The following TMEM132D variants were observed in gnomAD, a reference collection of about 807,000 sequenced individuals.
The protein encoded by TMEM132D is mature OL transmembrane protein.
Under a neutral mutation model 62.3 loss-of-function variants are expected in TMEM132D, and 21 were observed. The observed-to-expected ratio is 0.34, with a 90% confidence interval of 0.24 to 0.49. The LOEUF is 0.49. Ranked by LOEUF, TMEM132D falls within the 20% of genes least tolerant of loss-of-function variation. TMEM132D has a pLI of 0.99. For synonymous variants in TMEM132D, 621 were observed against 575.6 expected (o/e 1.08, Z -1.13); for missense variants, 1,346 against 1,402.8 (o/e 0.96, Z 0.65).
At chr12:129,238,027 C>G (rs528617310) in intron 4 of TMEM132D, among the ~76,000 whole-genome samples, 1 of 152,306 alleles carries the variant, frequency 6.6e-6, no homozygotes, top group South Asian at 2.1e-4. Context: ...CTCTCCATCT[C>G]AGACGAGTTT....
chr12:129,090,257 C>G (rs1638793283), intron 5 of TMEM132D, among the ~76,000 whole-genome samples: 2 of 152,162 alleles, frequency 1.3e-5, no homozygotes. Context: ...CATCTGTGGC[C>G]TGGCCACAGT....
chr12:129,151,939 G>A (rs1214582004), intron 5 of TMEM132D, among the ~76,000 whole-genome samples: 3 of 147,422 alleles, frequency 2.0e-5, no homozygotes, highest in East Asian at 2.0e-4. Flanking sequence ...GTGCAGTGGT[G>A]CAATCTTGGC....
At chr12:129,698,138 T>C (rs1022236877) in intron 2 of TMEM132D, 1 of 152,100 alleles carries the variant, frequency 6.6e-6, no homozygotes, top group Admixed American at 6.5e-5. Context: ...AAGAATACTA[T>C]GTAAGACTGT....
intron 1 of TMEM132D, among the ~76,000 whole-genome samples, chr12:129,762,621 T>C (rs376019098): frequency 2.0e-5 from 3 of 152,190 alleles, no homozygotes; most frequent in South Asian, 2.1e-4. Flanking sequence ...AGATGTGTCA[T>C]CAAAGCTGCA....
intron 2 of TMEM132D, among the ~76,000 whole-genome samples, chr12:129,668,792 T>C (rs1880436853): frequency 1.3e-5 from 2 of 152,174 alleles, no homozygotes; most frequent in African/African-American, 4.8e-5. Context: ...CAGGGCACAA[T>C]TGGAGAAAGC....
chr12:129,261,040 G>A (rs867191139), intron 4 of TMEM132D, among the ~76,000 whole-genome samples: 3 of 152,204 alleles, frequency 2.0e-5, no homozygotes, highest in African/African-American at 7.2e-5. Context: ...GAGTGGGATT[G>A]CTGGATCAAA....
intron 1 of TMEM132D, among the ~76,000 whole-genome samples, chr12:129,864,557 T>C (rs1164542682): frequency 1.3e-5 from 2 of 152,124 alleles, no homozygotes; most frequent in Admixed American, 6.5e-5. Flanking sequence ...GAGGATGTAA[T>C]TGGAGACCTG....
At chr12:129,618,905 G>A (rs187689392) in intron 2 of TMEM132D, among the ~76,000 whole-genome samples, 167 of 152,290 alleles carry the variant, frequency 1.1e-3, no homozygotes, top group Middle Eastern at 3.4e-3. Context: ...CGATCTGGAA[G>A]GGCAGGACAA....
chr12:129,298,978 A>G (rs1461504984), intron 4 of TMEM132D, among the ~76,000 whole-genome samples: 1 of 152,208 alleles, frequency 6.6e-6, no homozygotes, highest in Non-Finnish European at 1.5e-5. Flanking sequence ...CACTTGTTCT[A>G]TTAAGAACTT....
intron 3 of TMEM132D, among the ~76,000 whole-genome samples, chr12:129,478,941 A>C (rs1052389579): frequency 1.3e-5 from 2 of 152,234 alleles, no homozygotes; most frequent in African/African-American, 4.8e-5. Flanking sequence ...TACAAAAAAG[A>C]CCTACACATG....
chr12:129,097,848 T>TG (rs1875166488), intron 5 of TMEM132D, among the ~76,000 whole-genome samples: 1 of 152,266 alleles, frequency 6.6e-6, no homozygotes, highest in Non-Finnish European at 1.5e-5. Flanking sequence ...GGTAACATTC[T>TG]GGTTCCCTTC....
intron 3 of TMEM132D, among the ~76,000 whole-genome samples, chr12:129,477,586 C>T (rs112251654): frequency 1.0e-3 from 154 of 152,128 alleles, no homozygotes; most frequent in African/African-American, 3.5e-3. Context: ...TTTGGGAGGC[C>T]GAGGCGGGTG....
intron 2 of TMEM132D, among the ~76,000 whole-genome samples, chr12:129,604,951 A>G (rs1878575769): frequency 6.6e-6 from 1 of 152,206 alleles, no homozygotes; most frequent in Non-Finnish European, 1.5e-5. Context: ...GAACAAGAGG[A>G]GATGCAAGAT....
chr12:129,597,878 A>C (rs1878378850), intron 2 of TMEM132D, among the ~76,000 whole-genome samples: 1 of 152,124 alleles, frequency 6.6e-6, no homozygotes, highest in South Asian at 2.1e-4. Flanking sequence ...TATATTTAGA[A>C]GGGCTTTATT....
intron 3 of TMEM132D, among the ~76,000 whole-genome samples, chr12:129,513,673 G>C (rs1300397964): frequency 6.0e-5 from 9 of 150,840 alleles, no homozygotes; most frequent in Non-Finnish European, 7.4e-5. Context: ...TTTTAGTAGA[G>C]ACGGGGTTTC....
At chr12:129,723,705 A>G (rs1486019029) in intron 1 of TMEM132D, among the ~76,000 whole-genome samples, 1 of 152,172 alleles carries the variant, frequency 6.6e-6, no homozygotes, top group African/African-American at 2.4e-5. Context: ...GATACCTCAC[A>G]GTCCTTCTTA....
chr12:129,455,923 A>T (rs1453010358), intron 3 of TMEM132D, among the ~76,000 whole-genome samples: 1 of 152,198 alleles, frequency 6.6e-6, no homozygotes, highest in African/African-American at 2.4e-5. Context: ...CCTACTCTCT[A>T]TGTGAAGAAT....
chr12:129,615,117 A>G (rs1565923625), intron 2 of TMEM132D, among the ~76,000 whole-genome samples: 1 of 152,182 alleles, frequency 6.6e-6, no homozygotes, highest in Non-Finnish European at 1.5e-5. Flanking sequence ...ACTGCTATCT[A>G]CTGTCACAGG....
chr12:129,207,997 G>T (rs1878906906), intron 5 of TMEM132D, among the ~76,000 whole-genome samples: 1 of 152,148 alleles, frequency 6.6e-6, no homozygotes, highest in South Asian at 2.1e-4. Context: ...CTAACATGAG[G>T]TCTTATTTCT....
Sources: allele counts gnomAD v4.1 joint callset (sites outside exome capture counted in the v4.1 genomes callset), GRCh38; gene constraint gnomAD v4.1.1; transcripts MANE v1.5; gene names NCBI Gene and HGNC (gene_info 2026-07-23, HGNC 2026-07-21).